Variants in ZMYM2 observed in about 807,000 individuals in gnomAD.
The protein encoded by ZMYM2 is zinc finger MYM-type protein 2.
Under a neutral mutation model 162.8 loss-of-function variants are expected in ZMYM2, and 56 were observed. That is an observed-to-expected ratio of 0.34 (90% CI 0.28 to 0.43). The LOEUF (loss-of-function observed/expected upper bound fraction) is 0.43, where lower values mean the gene tolerates loss of function less well. Among genes scored for constraint, ZMYM2 ranks in the 20% least tolerant of loss-of-function variants. The pLI, the probability that ZMYM2 is intolerant of heterozygous loss-of-function variation, is 1.00. For synonymous variants in ZMYM2, 510 were observed against 541.6 expected, an observed-to-expected ratio of 0.94 and a Z score of 0.81; for missense variants, 1,275 against 1,621.8, an observed-to-expected ratio of 0.79 and a Z score of 3.67.
intron 2 of ZMYM2, among the ~76,000 whole-genome samples, chr13:19,978,082 T>A (rs1956952075): frequency 6.6e-6 from 1 of 151,864 alleles, no homozygotes; most frequent in South Asian, 2.1e-4. Context: ...TTTCATCGAG[T>A]CAGGCAGGAT....
chr13:20,000,843 A>AT (rs1950336938), intron 3 of ZMYM2, among the ~76,000 whole-genome samples: 1 of 152,258 alleles, frequency 6.6e-6, no homozygotes, highest in African/African-American at 2.4e-5. Flanking sequence ...TTGTAAGGCT[A>AT]TAACTGCCAT....
the ZMYM2 span, among the ~76,000 whole-genome samples, chr13:19,902,071 T>C: frequency 1.1e-4 from 16 of 152,260 alleles, no homozygotes; most frequent in East Asian, 3.1e-3. Flanking sequence ...ATTACAGCCA[T>C]GAGTCCTGGC....
At chr13:20,069,530 T>A (rs773990768) in intron 21 of ZMYM2, among the ~76,000 whole-genome samples, 18 of 151,978 alleles carry the variant, frequency 1.2e-4, no homozygotes, top group East Asian at 1.9e-4. Context: ...GTTTTTTTTT[T>A]AATTATAAAT....
Position 20,005,087 on chromosome 13 carries a change from A to G in ZMYM2, c.1147A>G (p.Met383Val). 5 of 1,604,646 alleles carry G rather than the reference A, an allele frequency of 3.1e-6. No individual in the cohort carries two copies. Among genetic ancestry groups the G allele is most frequent in the South Asian group, 1.1e-5 (1 of 88,800 alleles). The change falls in exon 5 of 25, where the codon ATG becomes GTG. Residue 383 changes from methionine to valine, a missense_variant. Transcript: ENST00000610343. ...CTTATTTTTCAGAGATATAACTACA[A>G]TGAAAGGAACCATTGTTGCTCAAGT... is the stretch of plus-strand genomic sequence containing the variant. ...CVMCKKDITT[M>V]KGTIVAQVDS...
the ZMYM2 span, among the ~76,000 whole-genome samples, chr13:19,910,533 TC>T: frequency 2.9e-3 from 331 of 115,492 alleles, 17 homozygotes; most frequent in Admixed American, 3.7e-3. Context: ...TCTCTCTCTC[TC>T]TTTTTTTTTT....
At chr13:19,984,008 T>A (rs563306879) in intron 2 of ZMYM2, among the ~76,000 whole-genome samples, 231 of 152,342 alleles carry the variant, frequency 1.5e-3, no homozygotes, top group Non-Finnish European at 2.8e-3. Flanking sequence ...TACTGACTTA[T>A]AATACTCTTT....
the ZMYM2 span, among the ~76,000 whole-genome samples, chr13:19,946,699 A>G: frequency 6.6e-6 from 1 of 152,202 alleles, no homozygotes; most frequent in African/African-American, 2.4e-5. Flanking sequence ...TGTTTGGCCT[A>G]ACTTAGACTC....
chr13:20,048,671 G>A (rs973206085), intron 12 of ZMYM2, among the ~76,000 whole-genome samples: 3 of 151,988 alleles, frequency 2.0e-5, no homozygotes, highest in Non-Finnish European at 4.4e-5. Context: ...AAGGGACTGG[G>A]TCAGGATAGG....
the ZMYM2 span, among the ~76,000 whole-genome samples, chr13:19,944,104 T>C: frequency 1.3e-5 from 2 of 152,118 alleles, no homozygotes; most frequent in Non-Finnish European, 2.9e-5. Context: ...GCTACTTCTC[T>C]TTTGCTGTGC....
At chr13:19,921,912 AT>A in the ZMYM2 span, among the ~76,000 whole-genome samples, 6 of 150,004 alleles carry the variant, frequency 4.0e-5, no homozygotes, top group African/African-American at 1.5e-4. Context: ...AGTTACAAGT[AT>A]TTTTTTTTTC....
intron 4 of ZMYM2, among the ~76,000 whole-genome samples, chr13:20,004,183 T>C (rs1398002479): frequency 1.3e-5 from 2 of 152,230 alleles, no homozygotes; most frequent in African/African-American, 4.8e-5. Flanking sequence ...TAAACTTAAA[T>C]ACTACAGTGT....
chr13:20,062,983 C>A lies in ZMYM2; in HGVS notation c.3037+12C>A. 1 of 1,589,690 alleles carries A rather than the reference C, an allele frequency of 6.3e-7. No individual in the cohort carries two copies. The highest frequency in any genetic ancestry group is 8.6e-7 in the Non-Finnish European group (1 of 1,168,436). On this transcript the variant is annotated intron_variant, in intron 18 of 24. Coordinates refer to ENST00000610343, the MANE Select transcript of ZMYM2 (RefSeq NM_197968.4). ...AGATTTTCCCAGAGGTACTCAAAAC[C>A]TTTATGACTATGGAATTTAGTTATG...
At chr13:19,904,566 A>G in the ZMYM2 span, among the ~76,000 whole-genome samples, 1 of 152,040 alleles carries the variant, frequency 6.6e-6, no homozygotes, top group Admixed American at 6.6e-5. Flanking sequence ...CTCAAAAAAA[A>G]TTTTTTTTAA....
the ZMYM2 span, among the ~76,000 whole-genome samples, chr13:19,932,001 T>C: frequency 6.6e-6 from 1 of 152,214 alleles, no homozygotes; most frequent in Non-Finnish European, 1.5e-5. Context: ...CCTTTATTGT[T>C]AATTTTTATT....
chr13:19,997,684 G>A (rs937252427), intron 3 of ZMYM2, among the ~76,000 whole-genome samples: 2 of 152,126 alleles, frequency 1.3e-5, no homozygotes, highest in African/African-American at 4.8e-5. Context: ...TTTTAAAATA[G>A]CTATTTTTTC....
chr13:20,061,210 C>A lies in ZMYM2; in HGVS notation c.2897C>A (p.Thr966Lys), dbSNP rs755717336. 6.2e-7 allele frequency: 1 copy of A among 1,613,630 alleles called. No homozygotes were observed. Among genetic ancestry groups the A allele is most frequent in the South Asian group, 1.1e-5 (1 of 90,940 alleles). The change falls in exon 17 of 25, where the codon ACA (threonine) becomes AAA (lysine). Residue 966 changes from threonine (T) to lysine (K), a missense_variant. Thr to Lys is a moderately conservative substitution (Grantham distance 78, BLOSUM62 -1). Coordinates refer to ENST00000610343, the MANE Select transcript of ZMYM2 (RefSeq NM_197968.4). ...AGTGAAGACGAGGGGAAAACAGAGA[C>A]AACCAACATCAACAGTGAGCTACAC... ...MMSEDEGKTETTNINSVIIET... is the reference protein window; with the variant it reads ...MMSEDEGKTEKTNINSVIIET...
chr13:19,971,699 CG>C (rs2139291786), intron 2 of ZMYM2, among the ~76,000 whole-genome samples: 1 of 151,920 alleles, frequency 6.6e-6, no homozygotes, highest in South Asian at 2.1e-4. Context: ...TGGACAATTT[CG>C]AGATTTATTT....
At chr13:19,996,624 C>T (rs145748676) in intron 3 of ZMYM2, among the ~76,000 whole-genome samples, 11 of 151,870 alleles carry the variant, frequency 7.2e-5, no homozygotes, top group Admixed American at 1.3e-4. Context: ...GGCTGAGGCA[C>T]GATAATTTGT....
At chr13:19,865,926 G>T in the ZMYM2 span, among the ~76,000 whole-genome samples, 1 of 152,202 alleles carries the variant, frequency 6.6e-6, no homozygotes, top group Admixed American at 6.5e-5. Context: ...ACACAAAGGG[G>T]CCAGATAGCC....
Sources: gnomAD v4.1 joint callset for allele counts (sites outside exome capture counted in the v4.1 genomes callset) on GRCh38, gnomAD v4.1.1 for gene constraint, MANE v1.5 for transcripts, NCBI Gene and HGNC (gene_info 2026-07-23, HGNC 2026-07-21) for gene names.